The following ABTB3 variants were observed in gnomAD, a reference collection of about 807,000 sequenced individuals.
ABTB3 encodes the protein ankyrin repeat and BTB domain containing 3, also known as ankyrin repeat- and BTB/POZ domain-containing protein 3.
chr12:107,610,776 A>G, the ABTB3 span, among the ~76,000 whole-genome samples: 1 of 152,170 alleles, frequency 6.6e-6, no homozygotes, highest in Non-Finnish European at 1.5e-5. Flanking sequence ...TATGTTTAAG[A>G]TACACAAAAG....
the ABTB3 span, among the ~76,000 whole-genome samples, chr12:107,471,653 C>T: frequency 8.5e-5 from 13 of 152,116 alleles, no homozygotes; most frequent in Admixed American, 4.6e-4. Context: ...TACAAAATGA[C>T]CCTGGCATCC....
the ABTB3 span, among the ~76,000 whole-genome samples, chr12:107,492,916 T>C: frequency 9.9e-5 from 15 of 152,036 alleles, no homozygotes; most frequent in African/African-American, 3.6e-4. Context: ...CTGGGTGAGC[T>C]GAGGGCAGGG....
At chr12:107,622,225 G>C in the ABTB3 span, among the ~76,000 whole-genome samples, 4 of 152,210 alleles carry the variant, frequency 2.6e-5, no homozygotes, top group East Asian at 7.7e-4. Context: ...CTGGCCGGGG[G>C]TGGGAGCGGG....
the ABTB3 span, among the ~76,000 whole-genome samples, chr12:107,585,633 C>T: frequency 6.6e-6 from 1 of 152,220 alleles, no homozygotes; most frequent in Non-Finnish European, 1.5e-5. Flanking sequence ...CTACTTTCAA[C>T]CCTTCCCAGG....
At chr12:107,640,462 G>A in the ABTB3 span, 6 of 1,204,952 alleles carry the variant, frequency 5.0e-6, no homozygotes, top group South Asian at 7.2e-5. Context: ...TTTGGCTGTT[G>A]CTATTACTAT....
At chr12:107,585,199 T>C in the ABTB3 span, among the ~76,000 whole-genome samples, 1 of 152,160 alleles carries the variant, frequency 6.6e-6, no homozygotes, top group African/African-American at 2.4e-5. Flanking sequence ...TTAAGTCCTC[T>C]CTTAGCTGAT....
At chr12:107,323,285 G>A in the ABTB3 span, among the ~76,000 whole-genome samples, 777 of 152,170 alleles carry the variant, frequency 5.1e-3, 4 homozygotes, top group Non-Finnish European at 7.4e-3. Context: ...TTCTTCCTTG[G>A]TTGCCCCTTC....
At chr12:107,488,529 C>T in the ABTB3 span, among the ~76,000 whole-genome samples, 7 of 152,124 alleles carry the variant, frequency 4.6e-5, no homozygotes, top group African/African-American at 7.2e-5. Flanking sequence ...TGATTACTAT[C>T]GTTGTGTTAC....
the ABTB3 span, among the ~76,000 whole-genome samples, chr12:107,364,865 A>G: frequency 1.3e-5 from 2 of 152,192 alleles, no homozygotes; most frequent in Non-Finnish European, 2.9e-5. Context: ...AAATTTTATT[A>G]AAGCTGGTTT....
At chr12:107,597,465 C>T in the ABTB3 span, among the ~76,000 whole-genome samples, 1 of 152,172 alleles carries the variant, frequency 6.6e-6, no homozygotes, top group South Asian at 2.1e-4. Flanking sequence ...GAGAGAATGG[C>T]AGCTGACCTC....
At chr12:107,651,102 C>T in the ABTB3 span, among the ~76,000 whole-genome samples, 8 of 151,452 alleles carry the variant, frequency 5.3e-5, no homozygotes, top group Admixed American at 2.0e-4. Context: ...ACACATCTGT[C>T]GAGCATCTCC....
At chr12:107,437,740 T>C in the ABTB3 span, among the ~76,000 whole-genome samples, 1 of 152,198 alleles carries the variant, frequency 6.6e-6, no homozygotes, top group Non-Finnish European at 1.5e-5. Flanking sequence ...TTTACAAAGA[T>C]AATTGCCATT....
chr12:107,381,311 G>A, the ABTB3 span, among the ~76,000 whole-genome samples: 1 of 152,260 alleles, frequency 6.6e-6, no homozygotes, highest in African/African-American at 2.4e-5. Flanking sequence ...ATGAATGGAT[G>A]TGGAGCCTCT....
At chr12:107,522,357 GT>G in the ABTB3 span, among the ~76,000 whole-genome samples, 5 of 151,878 alleles carry the variant, frequency 3.3e-5, no homozygotes, top group Non-Finnish European at 4.4e-5. Context: ...CTATATTTTT[GT>G]TTTTTAATAA....
chr12:107,390,228 C>T, the ABTB3 span, among the ~76,000 whole-genome samples: 44 of 152,226 alleles, frequency 2.9e-4, no homozygotes, highest in African/African-American at 1.1e-3. Flanking sequence ...AAAGTACCTA[C>T]TGTGCGGTTT....
At chr12:107,628,334 G>C in the ABTB3 span, among the ~76,000 whole-genome samples, 1 of 152,158 alleles carries the variant, frequency 6.6e-6, no homozygotes, top group African/African-American at 2.4e-5. Context: ...GTAGAGACAG[G>C]GTTTTACCAT....
chr12:107,606,875 G>A, the ABTB3 span, among the ~76,000 whole-genome samples: 10 of 152,252 alleles, frequency 6.6e-5, no homozygotes, highest in African/African-American at 2.2e-4. Context: ...AGACCCGTGC[G>A]CACCTCTCCC....
the ABTB3 span, among the ~76,000 whole-genome samples, chr12:107,369,716 T>G: frequency 1.8e-4 from 26 of 146,004 alleles, 1 homozygote; most frequent in African/African-American, 5.2e-4. Context: ...GGTTTTTTTT[T>G]TTTTTTTTTT....
chr12:107,368,445 T>A, the ABTB3 span, among the ~76,000 whole-genome samples: 1 of 152,234 alleles, frequency 6.6e-6, no homozygotes, highest in African/African-American at 2.4e-5. Flanking sequence ...GTGTAATGAC[T>A]ATCACATAGT....
Sources: gnomAD v4.1 joint callset for allele counts (sites outside exome capture counted in the v4.1 genomes callset) on GRCh38, gnomAD v4.1.1 for gene constraint, MANE v1.5 for transcripts, NCBI Gene and HGNC (gene_info 2026-07-23, HGNC 2026-07-21) for gene names.